RPS6KA5: variants seen among roughly 807,000 people sequenced by gnomAD.
RPS6KA5 encodes the protein ribosomal protein S6 kinase A5.
Under a neutral mutation model 85.5 loss-of-function variants are expected in RPS6KA5, and 27 were observed. The observed-to-expected ratio is 0.32, with a 90% CI of 0.23 to 0.44. RPS6KA5 has a LOEUF of 0.44. Ranked by LOEUF, RPS6KA5 falls within the 20% of genes least tolerant of loss-of-function variation. The probability of loss-of-function intolerance (pLI) is 1.00; values close to 1 mark genes in which losing one functional copy is unlikely to be tolerated. For missense variants in RPS6KA5, 811 were observed against 980.9 expected (o/e 0.83, Z 2.31); for synonymous variants, 334 against 348.2 (o/e 0.96, Z 0.46).
chr14:90,942,710 C>A lies in RPS6KA5; in HGVS notation c.618+368G>T, dbSNP rs2037637295. On this transcript the variant is annotated intron_variant, in intron 5 of 16. Transcript: ENST00000614987. ...TCCTACTTTGTTACCACAATGTAAA[C>A]TGTATGTACTTTGCTTTATGATTCT... Among the ~76,000 whole-genome samples, 5 of 152,252 alleles carry A rather than the reference C, an allele frequency of 3.3e-5. No homozygotes were observed. In the South Asian group the frequency reaches 8.3e-4, roughly 25 times the overall value.
At chr14:91,057,196 C>T (rs561093657) in intron 1 of RPS6KA5, among the ~76,000 whole-genome samples, 7 of 152,030 alleles carry the variant, frequency 4.6e-5, no homozygotes, top group South Asian at 4.2e-4. Flanking sequence ...TACTAGAGGG[C>T]GGGACATTTT....
intron 2 of RPS6KA5, among the ~76,000 whole-genome samples, chr14:90,982,615 C>T (rs910741609): frequency 3.3e-5 from 5 of 152,230 alleles, no homozygotes. Context: ...TCACAGAAGT[C>T]GTGTCTACCG....
At chr14:90,983,821 CTCTCTCTCTCTCTCTCTCTTTCTTTT>C (rs1235517148) in intron 2 of RPS6KA5, among the ~76,000 whole-genome samples, 1 of 134,958 alleles carries the variant, frequency 7.4e-6, no homozygotes, top group African/African-American at 3.1e-5. Flanking sequence ...CTCTCTGTCT[CTCTCTCTCTCTCTCTCTCTTTCTTTT>C]TTTCTTTCTT....
At position 90,910,772 on chromosome 14, in the gene RPS6KA5, G is replaced by A. The variant is rs540462514; in HGVS notation, c.807-4473C>T. 6.4e-4 allele frequency among the ~76,000 whole-genome samples: 97 copies of A among 151,154 alleles called. 1 individual carries two copies. The South Asian group carries it at 6.9e-3, about 11-fold the overall frequency. ...GCGATCTCAGCTCACTGCAAGCTCC[G>A]CCTCCCAGGTTCACGCCATCCTCCT... On this transcript the variant is annotated intron_variant, in intron 7 of 16. Transcript: ENST00000614987.
rs2031935638 is a variant in RPS6KA5, at chr14:90,850,446, C to A, written c.*21628G>T. ...AAGAAAATGAAGAAAACAACCTAATCAATGTGGGAAACCATACAAAAAAAA... is the reference window on the plus strand; with the variant it reads ...AAGAAAATGAAGAAAACAACCTAATAAATGTGGGAAACCATACAAAAAAAA... On this transcript the variant is annotated 3_prime_UTR_variant, in exon 17 of 17. Coordinates refer to ENST00000614987, the MANE Select transcript of RPS6KA5 (RefSeq NM_004755.4). 1 of 107,366 alleles carries A rather than the reference C, an allele frequency of 9.3e-6. No individual in the cohort carries two copies. 6.7% of individuals were successfully genotyped at this position (107,366 alleles called of 1,614,324 possible).
intron 3 of RPS6KA5, among the ~76,000 whole-genome samples, chr14:90,955,489 T>A (rs190599701): frequency 4.6e-5 from 7 of 152,314 alleles, no homozygotes; most frequent in Non-Finnish European, 2.9e-5. Flanking sequence ...ATTTTTTTAT[T>A]TCTCTTATTT....
At chr14:90,968,652 C>G (rs1342497522) in intron 3 of RPS6KA5, among the ~76,000 whole-genome samples, 1 of 152,102 alleles carries the variant, frequency 6.6e-6, no homozygotes, top group African/African-American at 2.4e-5. Flanking sequence ...ACTTTATGCC[C>G]TTTGCAAAGG....
chr14:90,992,465 T>G (rs930704383), intron 2 of RPS6KA5, among the ~76,000 whole-genome samples: 1 of 152,232 alleles, frequency 6.6e-6, no homozygotes, highest in African/African-American at 2.4e-5. Context: ...AGATGTATAA[T>G]AGATAATGAG....
chr14:90,971,119 C>T (rs2039299249), intron 3 of RPS6KA5, among the ~76,000 whole-genome samples: 1 of 152,058 alleles, frequency 6.6e-6, no homozygotes, highest in African/African-American at 2.4e-5. Context: ...GAGTTCAAGA[C>T]CAGCCTGGCC....
chr14:90,998,736 T>C (rs756056788), intron 2 of RPS6KA5, among the ~76,000 whole-genome samples: 72 of 152,222 alleles, frequency 4.7e-4, no homozygotes, highest in South Asian at 8.3e-4. Flanking sequence ...AAGTTGACAG[T>C]TACACTAAAT....
intron 13 of RPS6KA5, among the ~76,000 whole-genome samples, chr14:90,891,762 C>G (rs576038696): frequency 6.6e-6 from 1 of 152,252 alleles, no homozygotes; most frequent in East Asian, 1.9e-4. Flanking sequence ...TTCTAGCATA[C>G]ATTGTTTAAT....
At chr14:90,926,802 T>C (rs1347424604) in intron 5 of RPS6KA5, among the ~76,000 whole-genome samples, 2 of 152,024 alleles carry the variant, frequency 1.3e-5, no homozygotes, top group Non-Finnish European at 2.9e-5. Context: ...CAGAATTTAT[T>C]AATCATTGAA....
At chr14:90,986,189 T>G (rs550702551) in intron 2 of RPS6KA5, among the ~76,000 whole-genome samples, 1 of 152,288 alleles carries the variant, frequency 6.6e-6, no homozygotes, top group African/African-American at 2.4e-5. Flanking sequence ...CTTATACATT[T>G]TAAGTAAAAA....
intron 5 of RPS6KA5, among the ~76,000 whole-genome samples, chr14:90,929,608 T>A (rs552030445): frequency 3.3e-5 from 5 of 152,188 alleles, no homozygotes; most frequent in African/African-American, 1.2e-4. Flanking sequence ...CATAAAAAAC[T>A]AAATAAATGA....
At chr14:91,042,507 C>T (rs542874625) in intron 1 of RPS6KA5, among the ~76,000 whole-genome samples, 1 of 152,064 alleles carries the variant, frequency 6.6e-6, no homozygotes, top group East Asian at 1.9e-4. Flanking sequence ...GAGACTCCAT[C>T]TCAAAAAAAA....
rs1159973700 is a variant in RPS6KA5, at chr14:90,859,978, G to T, written c.*12096C>A. The T allele has an allele frequency of 2.6e-5, 4 of 152,050 alleles. No individual in the cohort carries two copies. The highest frequency in any genetic ancestry group is 4.4e-5 in the Non-Finnish European group (3 of 68,018). 9.4% of individuals were successfully genotyped at this position (152,050 alleles called of 1,614,324 possible). On this transcript the variant is annotated 3_prime_UTR_variant, in exon 17 of 17. Coordinates refer to ENST00000614987, the MANE Select transcript of RPS6KA5 (RefSeq NM_004755.4). Reference sequence around the variant, plus strand: ...GCCTGTCGGGGGGTTGGGGGCTAGGGGAGGGATAACATTAGGAGAAATACC... The same window carrying T: ...GCCTGTCGGGGGGTTGGGGGCTAGGTGAGGGATAACATTAGGAGAAATACC...
At chr14:90,947,680 A>G (rs2140369511) in intron 3 of RPS6KA5, 130 bp from the exon 4 acceptor site, 1 of 570,804 alleles carries the variant, frequency 1.8e-6, no homozygotes, top group South Asian at 2.5e-5. Context: ...TTTAGCATAC[A>G]GTATCATGTA....
intron 2 of RPS6KA5, among the ~76,000 whole-genome samples, chr14:90,996,511 A>G (rs1256939630): frequency 6.6e-6 from 1 of 152,200 alleles, no homozygotes; most frequent in East Asian, 1.9e-4. Context: ...ATTACAGATT[A>G]AAGTTGTTTA....
intron 2 of RPS6KA5, among the ~76,000 whole-genome samples, chr14:90,994,238 A>T (rs1248981469): frequency 1.3e-5 from 2 of 151,986 alleles, no homozygotes; most frequent in African/African-American, 4.8e-5. Context: ...TATATTCTGC[A>T]TATTTTCTTC....
Sources: gnomAD v4.1 joint callset for allele counts (sites outside exome capture counted in the v4.1 genomes callset) on GRCh38, gnomAD v4.1.1 for gene constraint, MANE v1.5 for transcripts, NCBI Gene and HGNC (gene_info 2026-07-23, HGNC 2026-07-21) for gene names.